FNTA: variants seen among roughly 807,000 people sequenced by gnomAD.
The protein encoded by FNTA is protein farnesyltransferase/geranylgeranyltransferase type-1 subunit alpha.
A neutral mutation model predicts 55.2 loss-of-function variants in FNTA; 27 were observed. The observed-to-expected ratio is 0.49, with a 90% CI of 0.36 to 0.67. The LOEUF (loss-of-function observed/expected upper bound fraction) is 0.67, where lower values mean the gene tolerates loss of function less well. Ranked by LOEUF, FNTA falls within the 30% of genes least tolerant of loss-of-function variation. FNTA has a pLI of 0.00. For missense variants in FNTA, 422 were observed against 464.7 expected, an observed-to-expected ratio of 0.91 and a Z score of 0.85; for synonymous variants, 176 against 170.7, an observed-to-expected ratio of 1.03 and a Z score of -0.24.
At chr8:43,069,746 G>C in intron 4 of FNTA, 87 bp downstream of exon 4, 1 of 762,258 alleles carries the variant, frequency 1.3e-6, no homozygotes, top group Non-Finnish European at 2.2e-6. Context: ...CTGGGTTCAA[G>C]TGATTCTCCA....
At chr8:43,061,506 T>A (rs1454328199) in intron 2 of FNTA, among the ~76,000 whole-genome samples, 1 of 152,242 alleles carries the variant, frequency 6.6e-6, no homozygotes, top group East Asian at 1.9e-4. Flanking sequence ...TTAGCTACTA[T>A]AATTTGCAGC....
Position 43,056,392 on chromosome 8 carries a change from C to T in FNTA, c.46C>T (p.Pro16Ser). The change falls in exon 1 of 9, where the codon CCC becomes TCC. Residue 16 changes from proline to serine, a missense_variant. Physicochemically the swap from Pro to Ser is moderately conservative, Grantham distance 74 (BLOSUM62 -1). Transcript: ENST00000302279. The part of the protein sequence containing the change: ...GVGEAAQGGE[P>S]GQPAQPPPQP... ...CGGGGAGGCTGCGCAAGGGGGCGAG[C>T]CCGGGCAGCCGGCGCAACCCCCGCC... The T allele has an allele frequency of 1.3e-6, 2 of 1,496,456 alleles. No homozygotes were observed. The highest frequency in any genetic ancestry group is 1.8e-6 in the Non-Finnish European group (2 of 1,126,054). The allele number at this position is 1,496,456 out of a possible 1,614,324, so 92.7% of individuals were successfully genotyped here. A position where few individuals can be genotyped will look rare whatever the true frequency, so the allele number is the denominator to read the frequency against.
At chr8:43,084,066 C>G (rs1811075459) in intron 7 of FNTA, among the ~76,000 whole-genome samples, 2 of 149,840 alleles carry the variant, frequency 1.3e-5, no homozygotes, top group African/African-American at 4.9e-5. Context: ...GAGACCCTGT[C>G]TCAAAGAAAA....
chr8:43,075,227 A>G (rs993992062), intron 5 of FNTA, among the ~76,000 whole-genome samples: 1 of 152,212 alleles, frequency 6.6e-6, no homozygotes, highest in Non-Finnish European at 1.5e-5. Context: ...GAACAGTGGG[A>G]GGACACCAAT....
chr8:43,072,873 G>A (rs1325793343), intron 5 of FNTA, among the ~76,000 whole-genome samples: 1 of 152,100 alleles, frequency 6.6e-6, no homozygotes, highest in African/African-American at 2.4e-5. Flanking sequence ...TGAGTATAAA[G>A]AGTAGCATAT....
chr8:43,059,929 T>G (rs1024954456), intron 2 of FNTA, among the ~76,000 whole-genome samples: 2 of 152,190 alleles, frequency 1.3e-5, no homozygotes, highest in Non-Finnish European at 2.9e-5. Context: ...AGAAGTAGAT[T>G]TGTAAAGACT....
chr8:43,083,244 G>A, intron 7 of FNTA, 64 bp downstream of exon 7: 1 of 890,678 alleles, frequency 1.1e-6, no homozygotes, highest in Middle Eastern at 2.4e-4. Context: ...GCATCATGGA[G>A]TGTATTCCAT....
intron 2 of FNTA, 67 bp from the exon 3 acceptor site, chr8:43,064,034 A>C: frequency 1.1e-6 from 1 of 919,388 alleles, no homozygotes; most frequent in Non-Finnish European, 1.8e-6. Context: ...AGGTATAGTG[A>C]CATTATACAT....
intron 5 of FNTA, among the ~76,000 whole-genome samples, chr8:43,073,840 A>G (rs1246435562): frequency 6.6e-6 from 1 of 152,182 alleles, no homozygotes; most frequent in African/African-American, 2.4e-5. Context: ...ACAAAGAATT[A>G]TCCAGCCCAT....
At chr8:43,082,622 A>G (rs1811047809) in intron 6 of FNTA, 1 of 152,218 alleles carries the variant, frequency 6.6e-6, no homozygotes, top group African/African-American at 2.4e-5. Context: ...GTCCTTCCCT[A>G]GAACTGAATT....
chr8:43,065,584 A>C (rs1224102586), intron 3 of FNTA, among the ~76,000 whole-genome samples: 1 of 147,734 alleles, frequency 6.8e-6, no homozygotes, highest in African/African-American at 2.7e-5. Flanking sequence ...CATTCCCTCT[A>C]ACAGTGTCAT....
intron 3 of FNTA, among the ~76,000 whole-genome samples, chr8:43,066,841 T>C (rs1810672677): frequency 6.6e-6 from 1 of 152,152 alleles, no homozygotes; most frequent in African/African-American, 2.4e-5. Context: ...CTAGTCAGTA[T>C]TTAAGTCTTT....
intron 3 of FNTA, among the ~76,000 whole-genome samples, chr8:43,067,661 T>TG (rs1810692472): frequency 6.6e-6 from 1 of 151,772 alleles, no homozygotes; most frequent in Non-Finnish European, 1.5e-5. Context: ...TTTTTTTTTT[T>TG]GGAATAATAA....
intron 6 of FNTA, 177 bp from the exon 7 acceptor site, chr8:43,082,941 G>C: frequency 5.1e-6 from 2 of 389,050 alleles, no homozygotes; most frequent in Non-Finnish European, 4.7e-6. Flanking sequence ...AGCTACTCGG[G>C]AGGCTGAGGC....
chr8:43,074,846 A>C (rs549411595), intron 5 of FNTA, among the ~76,000 whole-genome samples: 2 of 152,318 alleles, frequency 1.3e-5, no homozygotes, highest in Admixed American at 1.3e-4. Flanking sequence ...TAGTTATACT[A>C]TACATGGGAT....
intron 2 of FNTA, among the ~76,000 whole-genome samples, chr8:43,059,763 C>G (rs1278388112): frequency 1.3e-5 from 2 of 151,566 alleles, no homozygotes; most frequent in Non-Finnish European, 2.9e-5. Flanking sequence ...ATATATATTT[C>G]TTTCAGTTAA....
intron 6 of FNTA, chr8:43,081,702 A>G (rs1586662061): frequency 6.6e-6 from 1 of 152,396 alleles, no homozygotes; most frequent in East Asian, 1.9e-4. Flanking sequence ...AGCTGGGACT[A>G]CAGGCATGTG....
chr8:43,072,993 A>G (rs967808045), intron 5 of FNTA, among the ~76,000 whole-genome samples: 2 of 152,058 alleles, frequency 1.3e-5, no homozygotes, highest in Admixed American at 1.3e-4. Context: ...ATTTCTACCC[A>G]TGTGTCAAAG....
chr8:43,058,819 A>T (rs1458973283), intron 1 of FNTA: 1 of 300,346 alleles, frequency 3.3e-6, no homozygotes, highest in Non-Finnish European at 6.0e-6. Context: ...TTGCTGCAAA[A>T]ACTTATTTTT....
Sources: allele counts gnomAD v4.1 joint callset (sites outside exome capture counted in the v4.1 genomes callset), GRCh38; gene constraint gnomAD v4.1.1; transcripts MANE v1.5; gene names NCBI Gene and HGNC (gene_info 2026-07-23, HGNC 2026-07-21).